ZFHX3: variants seen among roughly 807,000 people sequenced by gnomAD.
The protein encoded by ZFHX3 is zinc finger homeobox 3, also known as zinc finger homeobox protein 3.
Under a neutral mutation model 279.1 loss-of-function variants are expected in ZFHX3, and 42 were observed. The ratio of observed to expected loss-of-function variants is 0.15; its 90% CI spans 0.12 to 0.19. The LOEUF (loss-of-function observed/expected upper bound fraction) is 0.19, where lower values mean the gene tolerates loss of function less well. ZFHX3 is among the 10% of genes least tolerant of loss of function. The pLI is 1.00. For missense variants in ZFHX3, 4,981 were observed against 4,754.0 expected (o/e 1.05, Z -1.40); for synonymous variants, 2,293 against 1,957.8 (o/e 1.17, Z -4.52).
At chr16:73,030,535 G>C (rs1964660575) in intron 1 of ZFHX3, among the ~76,000 whole-genome samples, 1 of 152,152 alleles carries the variant, frequency 6.6e-6, no homozygotes, top group Non-Finnish European at 1.5e-5. Flanking sequence ...TAGAGCCGGG[G>C]TTATATTGGC....
At chr16:73,135,484 T>A (rs755500882) in intron 6 of ZFHX3, among the ~76,000 whole-genome samples, 1 of 152,184 alleles carries the variant, frequency 6.6e-6, no homozygotes, top group African/African-American at 2.4e-5. Flanking sequence ...ATAAAAGAAC[T>A]CTTCAATGTA....
At chr16:73,055,837 C>G (rs1965544219) in intron 1 of ZFHX3, among the ~76,000 whole-genome samples, 1 of 142,662 alleles carries the variant, frequency 7.0e-6, no homozygotes, top group East Asian at 2.3e-4. Flanking sequence ...AATCCTCATA[C>G]CTACAACTCT....
intron 3 of ZFHX3, among the ~76,000 whole-genome samples, chr16:72,942,997 C>A (rs1298904526): frequency 6.6e-6 from 1 of 152,154 alleles, no homozygotes; most frequent in African/African-American, 2.4e-5. Context: ...TTCTTGTTCC[C>A]CAGTGTCTCC....
chr16:72,974,020 T>A (rs150249343), intron 1 of ZFHX3, among the ~76,000 whole-genome samples: 1 of 152,344 alleles, frequency 6.6e-6, no homozygotes, highest in Non-Finnish European at 1.5e-5. Flanking sequence ...CCTAAGTTCC[T>A]ATTAGGTAGC....
At position 72,933,189 on chromosome 16, in the gene ZFHX3, A is replaced by G. The variant is rs552519036; in HGVS notation, c.3216+17280T>C. On this transcript the variant is annotated intron_variant, in intron 3 of 9. Transcript: ENST00000268489. The stretch of plus-strand genomic sequence containing the variant: ...ATTAGATTTCCATGGCCTCTCCCGC[A>G]GTAGCTTGAGCGCTCTTAACCAGGT... 2.0e-5 allele frequency among the ~76,000 whole-genome samples: 3 copies of G among 152,260 alleles called. No individual in the cohort carries two copies. In the South Asian group the frequency reaches 6.2e-4, roughly 32 times the overall value.
intron 5 of ZFHX3, among the ~76,000 whole-genome samples, chr16:73,160,021 C>T (rs1353351888): frequency 6.6e-6 from 1 of 152,156 alleles, no homozygotes; most frequent in South Asian, 2.1e-4. Context: ...TCTTGGCCTC[C>T]TAAAGTGCTG....
At chr16:73,576,337 G>A (rs778366325) in intron 2 of ZFHX3, among the ~76,000 whole-genome samples, 2 of 152,106 alleles carry the variant, frequency 1.3e-5, no homozygotes, top group Non-Finnish European at 2.9e-5. Flanking sequence ...TAATTAATGC[G>A]AGGTCACTCG....
chr16:72,872,714 C>G (rs111288760), intron 4 of ZFHX3, among the ~76,000 whole-genome samples: 28 of 152,286 alleles, frequency 1.8e-4, no homozygotes, highest in African/African-American at 6.7e-4. Context: ...CCGCCTCGGC[C>G]TCACAAAGTG....
At chr16:73,661,103 C>T (rs116780895) in intron 2 of ZFHX3, among the ~76,000 whole-genome samples, 89 of 152,294 alleles carry the variant, frequency 5.8e-4, no homozygotes, top group African/African-American at 2.1e-3. Flanking sequence ...TTTTCTTAAA[C>T]TTCTATGGAC....
At chr16:73,611,437 A>G (rs1297289653) in intron 2 of ZFHX3, among the ~76,000 whole-genome samples, 1 of 152,232 alleles carries the variant, frequency 6.6e-6, no homozygotes, top group African/African-American at 2.4e-5. Context: ...ATACTCATTA[A>G]TTATCTTTTC....
rs2053111978 is a variant in ZFHX3, at chr16:73,688,288, C to T, written c.-1607-8048G>A. 3.4e-5 allele frequency among the ~76,000 whole-genome samples: 5 copies of T among 145,890 alleles called. No individual in the cohort carries two copies. The South Asian group carries it at 1.1e-3, about 31-fold the overall frequency. On this transcript the variant is annotated intron_variant, in intron 1 of 17. Transcript: ENST00000641206. ...AGGAGAATCACTTGAACCCGGGAGG[C>T]AGAGGTTGCAGTGAGCTGAGATCAC...
intron 3 of ZFHX3, among the ~76,000 whole-genome samples, chr16:73,371,236 G>A (rs2016622998): frequency 6.6e-6 from 1 of 151,696 alleles, no homozygotes; most frequent in Admixed American, 6.6e-5. Context: ...GAGCCCAGGA[G>A]GCGGAGGTTG....
At chr16:73,777,845 G>T (rs1039834863) in intron 1 of ZFHX3, among the ~76,000 whole-genome samples, 3 of 152,042 alleles carry the variant, frequency 2.0e-5, no homozygotes, top group Non-Finnish European at 4.4e-5. Context: ...AATCAGAACT[G>T]GGACTTTTTT....
intron 5 of ZFHX3, among the ~76,000 whole-genome samples, chr16:73,149,020 T>TTA (rs71156141): frequency 0.24 from 35,345 of 147,908 alleles, 4,781 homozygotes; most frequent in Middle Eastern, 0.39. Flanking sequence ...TATATATATT[T>TTA]TATATATATA....
rs77798674 is a variant in ZFHX3, at chr16:72,926,956, A to C, written c.3216+23513T>G. On this transcript the variant is annotated intron_variant, in intron 3 of 9. Coordinates refer to ENST00000268489, the MANE Select transcript of ZFHX3 (RefSeq NM_006885.4). ...TTACGAAATTTATAGGAAAGTCTCC[A>C]ATCAAGAGGTCAGGAGACAGAGAAC... Among the ~76,000 whole-genome samples the C allele has an allele frequency of 3.5e-3, 538 of 152,354 alleles. 2 individuals are homozygous for C. The highest frequency in any genetic ancestry group is 0.013 in the African/African-American group (525 of 41,592).
intron 5 of ZFHX3, among the ~76,000 whole-genome samples, chr16:72,821,294 G>C (rs547995779): frequency 9.8e-5 from 15 of 152,290 alleles, no homozygotes; most frequent in Admixed American, 5.9e-4. Context: ...TGGAAAATGG[G>C]AATGATTCTC....
chr16:73,601,914 C>G (rs1020211223), intron 2 of ZFHX3, among the ~76,000 whole-genome samples: 3 of 152,140 alleles, frequency 2.0e-5, no homozygotes, highest in Non-Finnish European at 4.4e-5. Context: ...ACAAAACACA[C>G]CAACTTCAGG....
chr16:73,485,776 T>C (rs1333173435), intron 2 of ZFHX3, among the ~76,000 whole-genome samples: 1 of 152,202 alleles, frequency 6.6e-6, no homozygotes, highest in Non-Finnish European at 1.5e-5. Context: ...GGCTGGCTCA[T>C]CCTCATCCTC....
intron 1 of ZFHX3, among the ~76,000 whole-genome samples, chr16:73,856,731 T>A (rs767590654): frequency 3.3e-5 from 5 of 152,194 alleles, no homozygotes; most frequent in Non-Finnish European, 7.3e-5. Context: ...TTCCCACCCT[T>A]TGGAAAGCTC....
Sources: gnomAD v4.1 joint callset for allele counts (sites outside exome capture counted in the v4.1 genomes callset) on GRCh38, gnomAD v4.1.1 for gene constraint, MANE v1.5 for transcripts, NCBI Gene and HGNC (gene_info 2026-07-23, HGNC 2026-07-21) for gene names.